The following LRRC63 variants were observed in gnomAD, a reference collection of about 807,000 sequenced individuals.
LRRC63 encodes the protein leucine rich repeat containing 63.
In LRRC63, 40 loss-of-function variants were observed where a neutral mutation model predicts 49.5. The ratio of observed to expected loss-of-function variants is 0.81; its 90% confidence interval spans 0.63 to 1.05. The LOEUF is 1.05. Among genes scored for constraint, LRRC63 ranks in the 50% least tolerant of loss-of-function variants. The pLI, the probability that LRRC63 is intolerant of heterozygous loss-of-function variation, is 0.00. For missense variants in LRRC63, 636 were observed against 663.1 expected (o/e 0.96, Z 0.45); for synonymous variants, 191 against 221.1 (o/e 0.86, Z 1.21).
chr13:46,243,685 C>CG (rs1479583736), intron 5 of LRRC63, among the ~76,000 whole-genome samples: 2 of 152,130 alleles, frequency 1.3e-5, no homozygotes, highest in East Asian at 3.8e-4. Context: ...ACCAAGAGGA[C>CG]GGGCTGGTCT....
chr13:46,218,591 G>T (rs1161629811), intron 2 of LRRC63, among the ~76,000 whole-genome samples: 1 of 152,084 alleles, frequency 6.6e-6, no homozygotes, highest in Non-Finnish European at 1.5e-5. Flanking sequence ...GGGGCATTTA[G>T]CCTATTTACA....
chr13:46,267,136 T>C (rs923902970), intron 9 of LRRC63, among the ~76,000 whole-genome samples, 164 bp downstream of exon 9: 5 of 152,184 alleles, frequency 3.3e-5, no homozygotes, highest in African/African-American at 1.2e-4. Context: ...GTTCTTCAGG[T>C]ATAATAATGT....
intron 9 of LRRC63, among the ~76,000 whole-genome samples, chr13:46,272,392 T>C (rs916427176): frequency 6.6e-6 from 1 of 152,224 alleles, no homozygotes; most frequent in Non-Finnish European, 1.5e-5. Context: ...ACATGAAGAA[T>C]GTAATATCAC....
At chr13:46,272,934 C>A (rs1417223566) in intron 9 of LRRC63, among the ~76,000 whole-genome samples, 1 of 152,032 alleles carries the variant, frequency 6.6e-6, no homozygotes, top group African/African-American at 2.4e-5. Flanking sequence ...GGGGACAACC[C>A]AAGGGAAGAG....
chr13:46,237,463 A>G (rs2046935433), intron 5 of LRRC63, among the ~76,000 whole-genome samples: 3 of 152,196 alleles, frequency 2.0e-5, no homozygotes, highest in Admixed American at 2.0e-4. Flanking sequence ...GGGGAAGGCT[A>G]TAGGTACATG....
At chr13:46,213,245 G>A (rs2138329488) in intron 2 of LRRC63, 126 bp downstream of exon 2, 1 of 622,096 alleles carries the variant, frequency 1.6e-6, no homozygotes, top group Middle Eastern at 3.8e-4. Flanking sequence ...GTTGTCAGGT[G>A]ATAACATCCA....
rs191062287 is a variant in LRRC63 at position 46,270,568 on chromosome 13, A to T, written c.1550+3596A>T. 3.3e-3 allele frequency: 2,834 copies of T among 871,266 alleles called. 13 individuals carry two copies. Among genetic ancestry groups the T allele is most frequent in the Non-Finnish European group, 4.4e-3 (2,253 of 508,626 alleles). The allele number at this position is 871,266 out of a possible 1,614,324, so 54.0% of individuals were successfully genotyped here. The stretch of plus-strand genomic sequence containing the variant: ...TAACAGAAGGGTTACTGACACAAAA[A>T]CGGTATGAAGAAGTCATGGTGAAAT... On this transcript the variant is annotated intron_variant, in intron 9 of 9. Coordinates refer to ENST00000595396, the Ensembl canonical transcript of LRRC63.
chr13:46,249,800 T>C (rs1055012677), intron 6 of LRRC63: 1 of 151,964 alleles, frequency 6.6e-6, no homozygotes, highest in Admixed American at 6.6e-5. Context: ...GAGAAAAATA[T>C]ACTAATCAAG....
chr13:46,265,974 T>C (rs1346810707), intron 8 of LRRC63, among the ~76,000 whole-genome samples: 1 of 152,144 alleles, frequency 6.6e-6, no homozygotes, highest in East Asian at 1.9e-4. Flanking sequence ...TAGATATGAG[T>C]TATGAAACTA....
intron 8 of LRRC63, among the ~76,000 whole-genome samples, chr13:46,263,317 G>A (rs1429215462): frequency 6.6e-6 from 1 of 152,008 alleles, no homozygotes; most frequent in Admixed American, 6.6e-5. Context: ...TGGGACTATA[G>A]GTGTACACCA....
chr13:46,262,749 T>C (rs1422896573), intron 8 of LRRC63, among the ~76,000 whole-genome samples: 1 of 152,224 alleles, frequency 6.6e-6, no homozygotes, highest in African/African-American at 2.4e-5. Flanking sequence ...TGATTGTGAT[T>C]GTTACTATGA....
intron 2 of LRRC63, among the ~76,000 whole-genome samples, chr13:46,223,484 G>GTTTTTTTTTTTTTTTT (rs75553094): frequency 1.5e-5 from 2 of 131,666 alleles, no homozygotes; most frequent in Non-Finnish European, 1.7e-5. Flanking sequence ...AGTTTTTTTT[G>GTTTTTTTTTTTTTTTT]TTTTTTTTTT....
At chr13:46,272,428 A>G (rs2047772976) in intron 9 of LRRC63, among the ~76,000 whole-genome samples, 2 of 152,050 alleles carry the variant, frequency 1.3e-5, no homozygotes. Context: ...TGCAATGTAA[A>G]ATAGCAACAA....
chr13:46,238,310 T>G (rs915881817), intron 5 of LRRC63, among the ~76,000 whole-genome samples: 2 of 152,148 alleles, frequency 1.3e-5, no homozygotes, highest in South Asian at 4.1e-4. Context: ...TTTACAGAAC[T>G]CTACCCCTAA....
At chr13:46,259,537 G>C (rs766462916) in intron 7 of LRRC63, among the ~76,000 whole-genome samples, 10 of 152,136 alleles carry the variant, frequency 6.6e-5, no homozygotes, top group Non-Finnish European at 1.0e-4. Context: ...TCGGGAAAGA[G>C]AAACTATTTG....
intron 4 of LRRC63, among the ~76,000 whole-genome samples, chr13:46,231,560 A>G (rs971809310): frequency 6.6e-6 from 1 of 151,660 alleles, no homozygotes; most frequent in African/African-American, 2.4e-5. Context: ...CCCAGGCTGG[A>G]GTGCAGTAGG....
At chr13:46,257,918 T>A (rs987563393) in intron 7 of LRRC63, among the ~76,000 whole-genome samples, 1 of 134,930 alleles carries the variant, frequency 7.4e-6, no homozygotes, top group Non-Finnish European at 1.5e-5. Flanking sequence ...TATGCATATA[T>A]TTTTTTTCCC....
chr13:46,224,001 A>G (rs946170578), intron 2 of LRRC63, among the ~76,000 whole-genome samples: 7 of 152,198 alleles, frequency 4.6e-5, no homozygotes, highest in African/African-American at 1.7e-4. Context: ...CTTTGACTTT[A>G]GGCAGTCTCA....
In LRRC63 at chr13:46,268,969, G is replaced by A. The variant is rs1250639961; in HGVS notation, c.1550+1997G>A. ...TAGGAATATATTAAGTGAAAAATGTGCAAAACATTTATGGAAAAAGCTGAA... is the reference window on the plus strand; with the variant it reads ...TAGGAATATATTAAGTGAAAAATGTACAAAACATTTATGGAAAAAGCTGAA... On this transcript the variant is annotated intron_variant, in intron 9 of 9. Transcript: ENST00000595396. 2.2e-5 allele frequency among the ~76,000 whole-genome samples: 3 copies of A among 135,176 alleles called. No homozygotes were observed. In the East Asian group the frequency reaches 6.7e-4, roughly 30 times the overall value. 88.7% of individuals were successfully genotyped at this position (135,176 alleles called of 152,430 possible). A position where few individuals can be genotyped will look rare whatever the true frequency, so the allele number is the denominator to read the frequency against.
Sources: allele counts gnomAD v4.1 joint callset (sites outside exome capture counted in the v4.1 genomes callset), GRCh38; gene constraint gnomAD v4.1.1; transcripts MANE v1.5; gene names NCBI Gene and HGNC (gene_info 2026-07-23, HGNC 2026-07-21).